The following ZC4H2 variants were observed in gnomAD, a reference collection of about 807,000 sequenced individuals.
The protein encoded by ZC4H2 is zinc finger C4H2 domain-containing protein.
For synonymous variants in ZC4H2, 84 were observed against 66.3 expected (o/e 1.27, Z -1.30); for missense variants, 137 against 173.9 (o/e 0.79, Z 1.19).
At chrX:65,026,638 G>A (rs923266667) in intron 1 of ZC4H2, among the ~76,000 whole-genome samples, 31 of 110,532 alleles carry the variant, frequency 2.8e-4, no homozygotes, top group Admixed American at 2.9e-4. Flanking sequence ...GAACCCGGGT[G>A]GCAAAGCTTG....
intron 1 of ZC4H2, among the ~76,000 whole-genome samples, chrX:65,029,161 T>C (rs1259517849): frequency 3.6e-5 from 4 of 110,710 alleles, no homozygotes; most frequent in Non-Finnish European, 7.6e-5. Context: ...ATAAAAAATA[T>C]AAAGAGGAAG....
At chrX:65,003,659 C>T (rs754183206) in intron 1 of ZC4H2, among the ~76,000 whole-genome samples, 8 of 110,620 alleles carry the variant, frequency 7.2e-5, no homozygotes, top group South Asian at 7.8e-4. Flanking sequence ...GGGCGAATCC[C>T]GAGGTCAGGA....
chrX:64,944,437 CAG>C (rs1221069014), intron 1 of ZC4H2, among the ~76,000 whole-genome samples: 5 of 111,292 alleles, frequency 4.5e-5, no homozygotes, highest in South Asian at 3.8e-4. Context: ...AGGGTTTCTG[CAG>C]AGAGATCCAC....
chrX:65,024,105 G>A (rs1373124810), intron 1 of ZC4H2, among the ~76,000 whole-genome samples: 2 of 109,958 alleles, frequency 1.8e-5, no homozygotes, highest in Non-Finnish European at 3.8e-5. Flanking sequence ...GGGGCCTATC[G>A]GCGGGTGGGG....
At chrX:64,941,479 A>G (rs762822690) in intron 1 of ZC4H2, among the ~76,000 whole-genome samples, 43 of 112,063 alleles carry the variant, frequency 3.8e-4, no homozygotes, top group African/African-American at 1.4e-3. Flanking sequence ...CTGAATTTCA[A>G]AGGGAATGCT....
intron 1 of ZC4H2, among the ~76,000 whole-genome samples, chrX:64,949,072 G>A (rs1404077637): frequency 9.0e-6 from 1 of 111,406 alleles, no homozygotes; most frequent in African/African-American, 3.3e-5. Flanking sequence ...GGTAATAAAA[G>A]GTTTATGGGA....
At chrX:64,982,815 CA>C (rs1049352287) in intron 1 of ZC4H2, among the ~76,000 whole-genome samples, 1 of 111,862 alleles carries the variant, frequency 8.9e-6, no homozygotes, top group African/African-American at 3.3e-5. Flanking sequence ...TAAAAATGTA[CA>C]ATGAAAAATG....
chrX:65,018,117 A>C (rs894938167), intron 1 of ZC4H2, among the ~76,000 whole-genome samples: 2 of 112,644 alleles, frequency 1.8e-5, no homozygotes, highest in Non-Finnish European at 3.7e-5. Context: ...AAGGAACTTA[A>C]ATCAACAAGC....
chrX:65,008,585 G>T (rs1451098905), intron 1 of ZC4H2, among the ~76,000 whole-genome samples: 1 of 112,393 alleles, frequency 8.9e-6, no homozygotes, highest in East Asian at 2.8e-4. Context: ...ACAGATGAAT[G>T]TATAAAGAAA....
chrX:64,961,769 C>T (rs138513693), intron 1 of ZC4H2, among the ~76,000 whole-genome samples: 2 of 111,041 alleles, frequency 1.8e-5, no homozygotes, highest in African/African-American at 6.5e-5. Context: ...TAGAAAGGAT[C>T]ATAAGACTAC....
intron 1 of ZC4H2, among the ~76,000 whole-genome samples, chrX:65,003,606 G>A (rs773307695): frequency 1.4e-4 from 16 of 111,463 alleles, no homozygotes; most frequent in Non-Finnish European, 2.3e-4. Context: ...GGCCAGGCGT[G>A]GTGGCTCATG....
chrX:64,980,884 A>C (rs962193451), upstream of ZC4H2, among the ~76,000 whole-genome samples: 2 of 111,082 alleles, frequency 1.8e-5, no homozygotes, highest in African/African-American at 6.6e-5. Context: ...AATAAACATA[A>C]TAATATTTGG....
chrX:65,015,487 A>C (rs905897449), intron 1 of ZC4H2, among the ~76,000 whole-genome samples: 5 of 112,175 alleles, frequency 4.5e-5, no homozygotes, highest in Non-Finnish European at 9.4e-5. Flanking sequence ...CCACTTGGTA[A>C]GGACAAGAAA....
At chrX:64,988,249 C>G (rs1399758434) in intron 1 of ZC4H2, among the ~76,000 whole-genome samples, 17 of 111,020 alleles carry the variant, frequency 1.5e-4, no homozygotes, top group African/African-American at 5.6e-4. Flanking sequence ...GGTATATACC[C>G]AGTAATGTGA....
intron 1 of ZC4H2, among the ~76,000 whole-genome samples, chrX:64,945,966 G>T (rs924447006): frequency 9.0e-6 from 1 of 110,961 alleles, no homozygotes; most frequent in Non-Finnish European, 1.9e-5. Context: ...ACTTCAGACT[G>T]CTGTGCTGGG....
At position 65,026,297 on chromosome X, in the gene ZC4H2, AACT is replaced by A. The variant is rs765252799; in HGVS notation, c.-272+8329_-272+8331del. On this transcript the variant is annotated intron_variant, in intron 1 of 4. Coordinates refer to the ZC4H2 transcript ENST00000337990. ...ATTCAGGCAAAATGGTTGTGGAAAGAACTACTGTTTTTCAGGCAAAGGGAAAAG... is the reference window on the plus strand; with the variant it reads ...ATTCAGGCAAAATGGTTGTGGAAAGAACTGTTTTTCAGGCAAAGGGAAAAG... Among the ~76,000 whole-genome samples, 9 of 112,255 alleles carry A rather than the reference AACT, an allele frequency of 8.0e-5. No individual in the cohort carries two copies. In the East Asian group the frequency reaches 2.2e-3, roughly 28 times the overall value.
At chrX:64,954,721 A>T (rs1315358458) in intron 1 of ZC4H2, among the ~76,000 whole-genome samples, 1 of 109,463 alleles carries the variant, frequency 9.1e-6, no homozygotes, top group Non-Finnish European at 1.9e-5. Context: ...CCGGATAAGA[A>T]TTCCTGAAAT....
At chrX:65,005,731 C>T (rs1196008691) in intron 1 of ZC4H2, among the ~76,000 whole-genome samples, 3 of 111,448 alleles carry the variant, frequency 2.7e-5, no homozygotes, top group Admixed American at 9.5e-5. Context: ...CACTAAAGAG[C>T]TTCTGCACAG....
chrX:65,000,982 G>A (rs1200748492), intron 1 of ZC4H2, among the ~76,000 whole-genome samples: 1 of 111,386 alleles, frequency 9.0e-6, no homozygotes, highest in Non-Finnish European at 1.9e-5. Flanking sequence ...AAAGTGATGG[G>A]GAAAATGGAG....
Sources: allele counts gnomAD v4.1 joint callset (sites outside exome capture counted in the v4.1 genomes callset), GRCh38; gene constraint gnomAD v4.1.1; transcripts MANE v1.5; gene names NCBI Gene and HGNC (gene_info 2026-07-23, HGNC 2026-07-21).